The following OSBPL3 variants were observed in gnomAD, a reference collection of about 807,000 sequenced individuals.
The protein encoded by OSBPL3 is oxysterol-binding protein-related protein 3.
OSBPL3 carries 65 observed loss-of-function variants against 120.1 expected under a neutral mutation model. The observed-to-expected ratio is 0.54, with a 90% CI of 0.44 to 0.67. OSBPL3 has a LOEUF of 0.67. Ranked by LOEUF, OSBPL3 falls within the 30% of genes least tolerant of loss-of-function variation. The pLI is 0.00. For missense variants in OSBPL3, 1,004 were observed against 1,082.1 expected, an observed-to-expected ratio of 0.93 and a Z score of 1.01; for synonymous variants, 416 against 402.6, an observed-to-expected ratio of 1.03 and a Z score of -0.40.
intron 2 of OSBPL3, among the ~76,000 whole-genome samples, chr7:24,880,232 T>C (rs1803464563): frequency 6.6e-6 from 1 of 152,216 alleles, no homozygotes; most frequent in South Asian, 2.1e-4. Flanking sequence ...AGCTCCAAAT[T>C]AGTTTGTGCA....
chr7:24,914,624 C>T (rs768905539), intron 1 of OSBPL3, among the ~76,000 whole-genome samples: 21 of 152,030 alleles, frequency 1.4e-4, no homozygotes, highest in Non-Finnish European at 2.1e-4. Flanking sequence ...CTGAAAAAGT[C>T]GATGGCTGGT....
chr7:24,872,125 G>A lies in OSBPL3; in HGVS notation c.97-56C>T. On this transcript the variant is annotated intron_variant, in intron 2 of 22. Transcript: ENST00000313367. The surrounding 1 kb of genome is among the most constrained non-coding windows in gnomAD (Gnocchi z 4.1). Reference sequence around the variant, plus strand: ...TCTATCTTTTTGAAAAATAATAATGGTAAAAAGCACTGCATCCTGTCAGTA... The same window carrying A: ...TCTATCTTTTTGAAAAATAATAATGATAAAAAGCACTGCATCCTGTCAGTA... 1 of 1,234,052 alleles carries A rather than the reference G, an allele frequency of 8.1e-7. No homozygotes were observed. Among genetic ancestry groups the A allele is most frequent in the Non-Finnish European group, 1.2e-6 (1 of 835,738 alleles). The allele number at this position is 1,234,052 out of a possible 1,614,324, so 76.4% of individuals were successfully genotyped here.
chr7:24,959,218 C>T lies in OSBPL3; in HGVS notation c.-150+20668G>A, dbSNP rs1163359982. ...TTAACTCTGTGACCCAGCAATTCTACTCCTTGGTATATACTCAATAAAAAC... is the reference window on the plus strand; with the variant it reads ...TTAACTCTGTGACCCAGCAATTCTATTCCTTGGTATATACTCAATAAAAAC... On this transcript the variant is annotated intron_variant, in intron 1 of 22. Transcript: ENST00000313367. This position sits in a 1 kb window ranked among gnomAD's most constrained non-coding sequence, Gnocchi z 4.3. Among the ~76,000 whole-genome samples, 1 of 152,112 alleles carries T rather than the reference C, an allele frequency of 6.6e-6. No individual in the cohort carries two copies. The highest frequency in any genetic ancestry group is 1.5e-5 in the Non-Finnish European group (1 of 68,012).
At chr7:24,977,085 C>T (rs528427608) in intron 1 of OSBPL3, among the ~76,000 whole-genome samples, 3 of 152,214 alleles carry the variant, frequency 2.0e-5, no homozygotes, top group Non-Finnish European at 4.4e-5. Flanking sequence ...CATTAGAGAA[C>T]AGAGGAACTA....
At chr7:24,828,608 A>AAAAAG (rs1562785875) in intron 16 of OSBPL3, among the ~76,000 whole-genome samples, 8 of 123,730 alleles carry the variant, frequency 6.5e-5, no homozygotes, top group African/African-American at 1.1e-4. Context: ...CTCTGTCTGA[A>AAAAAG]AAAAAAAAAA....
intron 1 of OSBPL3, among the ~76,000 whole-genome samples, chr7:24,909,653 C>T (rs558268681): frequency 3.9e-5 from 6 of 152,190 alleles, no homozygotes; most frequent in South Asian, 2.1e-4. Flanking sequence ...CACCTCTGTA[C>T]GTCTTAACAG....
At position 24,955,913 on chromosome 7, in the gene OSBPL3, C is replaced by CA. The variant is rs1441708678; in HGVS notation, c.-150+23972dup. Among the ~76,000 whole-genome samples the CA allele has an allele frequency of 6.6e-6, 1 of 152,232 alleles. No homozygotes were observed. The highest frequency in any genetic ancestry group is 1.5e-5 in the Non-Finnish European group (1 of 68,040). On this transcript the variant is annotated intron_variant, in intron 1 of 22. Transcript: ENST00000313367. This position sits in a 1 kb window ranked among gnomAD's most constrained non-coding sequence, Gnocchi z 4.3. Reference sequence around the variant, plus strand: ...CTGTGCAGTTTAGTCACTGATCTTTCAGATCTTTTTCACTCAAACTAGTTC... The same window carrying CA: ...CTGTGCAGTTTAGTCACTGATCTTTCAAGATCTTTTTCACTCAAACTAGTTC...
upstream of OSBPL3, chr7:24,981,566 T>C (rs1818365197): frequency 6.6e-6 from 1 of 152,376 alleles, no homozygotes; most frequent in African/African-American, 2.4e-5. The surrounding 1 kb of genome is among the most constrained non-coding windows in gnomAD (Gnocchi z 7.3). Context: ...TCCGGAGCTA[T>C]TCTGTTCACA....
In OSBPL3 at chr7:24,972,205, A is replaced by G. The variant is rs945846242; in HGVS notation, c.-150+7681T>C. On this transcript the variant is annotated intron_variant, in intron 1 of 22. Transcript: ENST00000313367. The surrounding 1 kb of genome is among the most constrained non-coding windows in gnomAD (Gnocchi z 4.3). ...AATAAACAAACCTGTGTGTCGCATC[A>G]GAGAGAGAAATTCAAAACCTCAAAT... Among the ~76,000 whole-genome samples, 2 of 152,230 alleles carry G rather than the reference A, an allele frequency of 1.3e-5. No homozygotes were observed. The highest frequency in any genetic ancestry group is 6.5e-5 in the Admixed American group (1 of 15,286).
chr7:24,851,452 T>C lies in OSBPL3; in HGVS notation c.1158+1052A>G, dbSNP rs1055848816. Among the ~76,000 whole-genome samples, 5 of 152,206 alleles carry C rather than the reference T, an allele frequency of 3.3e-5. No homozygotes were observed. The highest frequency in any genetic ancestry group is 1.3e-4 in the Admixed American group (2 of 15,280). On this transcript the variant is annotated intron_variant, in intron 11 of 22. Transcript: ENST00000313367. The surrounding 1 kb of genome is among the most constrained non-coding windows in gnomAD (Gnocchi z 4.1). Reference sequence around the variant, plus strand: ...GGCAGAGGATTTATCACTAACATTATATTAAGAGCATCACTTTTCTTGGCA... The same window carrying C: ...GGCAGAGGATTTATCACTAACATTACATTAAGAGCATCACTTTTCTTGGCA...
At chr7:24,960,629 T>G (rs1815616813) in intron 1 of OSBPL3, among the ~76,000 whole-genome samples, 2 of 152,032 alleles carry the variant, frequency 1.3e-5, no homozygotes. Flanking sequence ...CATTTTTAAT[T>G]TGATCCCAAC....
chr7:24,887,858 G>A (rs1804760334), intron 2 of OSBPL3, among the ~76,000 whole-genome samples: 1 of 152,156 alleles, frequency 6.6e-6, no homozygotes, highest in Non-Finnish European at 1.5e-5. Flanking sequence ...CATAGAGGGC[G>A]AGAGGGGAAA....
In OSBPL3 at chr7:24,891,416, C is replaced by T. The variant is rs190940536; in HGVS notation, c.96+961G>A. Among the ~76,000 whole-genome samples the T allele has an allele frequency of 8.5e-5, 13 of 152,280 alleles. No homozygotes were observed. Among genetic ancestry groups the T allele is most frequent in the African/African-American group, 2.6e-4 (11 of 41,552 alleles). On this transcript the variant is annotated intron_variant, in intron 2 of 22. Transcript: ENST00000313367. This position sits in a 1 kb window ranked among gnomAD's most constrained non-coding sequence, Gnocchi z 4.1. ...CAGACCCCTGATGATGTGTCATAAA[C>T]GTGTAGACGTGACTGAGGTGGGAGT... is the stretch of plus-strand genomic sequence containing the variant.
chr7:24,859,558 C>A (rs1317218079), intron 10 of OSBPL3, among the ~76,000 whole-genome samples: 1 of 152,138 alleles, frequency 6.6e-6, no homozygotes, highest in Non-Finnish European at 1.5e-5. Flanking sequence ...ATAACGCTGG[C>A]CACTCCATCT....
At chr7:24,920,666 C>G (rs1421972004) in intron 1 of OSBPL3, among the ~76,000 whole-genome samples, 1 of 152,064 alleles carries the variant, frequency 6.6e-6, no homozygotes, top group Non-Finnish European at 1.5e-5. Context: ...AAAACTCCAA[C>G]AAGGAAGTTA....
chr7:24,804,360 C>A lies in OSBPL3; in HGVS notation c.2522G>T (p.Arg841Leu). The A allele has an allele frequency of 6.2e-7, 1 of 1,614,098 alleles. No homozygotes were observed. Among genetic ancestry groups the A allele is most frequent in the Non-Finnish European group, 8.5e-7 (1 of 1,179,992 alleles). Residue 841 changes from arginine (R) to leucine (L), a missense_variant, in exon 22 of 23, where the codon CGG becomes CTG. By Grantham distance (102) the Arg-to-Leu change is moderately radical. Transcript: ENST00000313367. The surrounding 1 kb of genome is among the most constrained non-coding windows in gnomAD (Gnocchi z 5.4). The stretch of plus-strand genomic sequence containing the variant: ...CTCCACATGATTTTCTTCTAAGACC[C>A]GCCGCCTTTCTCTCTGCAGTTGTTC... ...RIEQLQRERR[R>L]VLEENHVEHQ...
At position 24,808,409 on chromosome 7, in the gene OSBPL3, A is replaced by T. The variant is rs556326838; in HGVS notation, c.2317+1398T>A. Among the ~76,000 whole-genome samples the T allele has an allele frequency of 3.3e-5, 5 of 152,124 alleles. No homozygotes were observed. The highest frequency in any genetic ancestry group is 1.2e-4 in the African/African-American group (5 of 41,458). On this transcript the variant is annotated intron_variant, in intron 20 of 22. Coordinates refer to ENST00000313367, the MANE Select transcript of OSBPL3 (RefSeq NM_015550.4). This position sits in a 1 kb window ranked among gnomAD's most constrained non-coding sequence, Gnocchi z 4.6. ...CATAAAGTCAAGGAATAATGACAGT[A>T]ACAAAAATTTAAACAGTGTTGCTTT...
At chr7:24,949,798 C>A (rs1038159296) in intron 1 of OSBPL3, among the ~76,000 whole-genome samples, 1 of 152,130 alleles carries the variant, frequency 6.6e-6, no homozygotes, top group Admixed American at 6.5e-5. Flanking sequence ...AACTATAACA[C>A]ACTCTGTTAT....
chr7:24,841,176 T>C (rs1011948948), intron 13 of OSBPL3, among the ~76,000 whole-genome samples: 17 of 152,218 alleles, frequency 1.1e-4, no homozygotes, highest in Non-Finnish European at 2.5e-4. Context: ...TAAGTCTGTA[T>C]TTAAGGGGTA....
Sources: allele counts gnomAD v4.1 joint callset (sites outside exome capture counted in the v4.1 genomes callset), GRCh38; gene constraint gnomAD v4.1.1; non-coding constraint Gnocchi (gnomAD v3.1); transcripts MANE v1.5; gene names NCBI Gene and HGNC (gene_info 2026-07-23, HGNC 2026-07-21).